KIR3DL2: variants seen among roughly 807,000 people sequenced by gnomAD.
KIR3DL2 encodes killer cell immunoglobulin like receptor, three Ig domains and long cytoplasmic tail 2.
In KIR3DL2, 42 loss-of-function variants were observed where a neutral mutation model predicts 41.6. That is an observed-to-expected ratio of 1.01 (90% CI 0.79 to 1.31). The LOEUF is 1.31. Ranked by LOEUF, KIR3DL2 falls within the 50% of genes most tolerant of loss-of-function variation. The pLI, the probability that KIR3DL2 is intolerant of heterozygous loss-of-function variation, is 0.00. For missense variants in KIR3DL2, 728 were observed against 576.8 expected (o/e 1.26, Z -2.68); for synonymous variants, 230 against 221.3 (o/e 1.04, Z -0.35).
intron 3 of KIR3DL2, among the ~76,000 whole-genome samples, chr19:54,852,965 G>A (rs1240791098): frequency 6.7e-6 from 1 of 149,212 alleles, no homozygotes; most frequent in Non-Finnish European, 1.5e-5. Context: ...AACAAGGATA[G>A]CCAGGTGTGG....
rs1373268976 is a variant in KIR3DL2, at chr19:54,866,410, A to G, written c.1146A>G (p.Thr382=). The stretch of plus-strand genomic sequence containing the variant: ...ACCAAGAGCCTGCGGGGGACAGAAC[A>G]GTGAATAGGCAGGTAGGTCCTCCTC... ...VMDQEPAGDR[T]VNRQDSDEQD... The change falls in exon 8 of 9, where the codon ACA becomes ACG. Residue 382 remains threonine (T), a synonymous_variant. Transcript: ENST00000326321. The G allele has an allele frequency of 6.8e-6, 11 of 1,614,020 alleles. No individual in the cohort carries two copies. The highest frequency in any genetic ancestry group is 1.3e-5 in the African/African-American group (1 of 75,034).
In KIR3DL2 at chr19:54,856,953, T is replaced by C. The variant is rs369758353; in HGVS notation, c.949+1041T>C. On this transcript the variant is annotated intron_variant, in intron 5 of 8. Transcript: ENST00000326321. ...ATTCACCCACTGATAGGCAGGTAGG[T>C]TGACTCCACATCTTGGCTACTGTGA... is the stretch of plus-strand genomic sequence containing the variant. Among the ~76,000 whole-genome samples the C allele has an allele frequency of 3.9e-5, 6 of 152,260 alleles. No individual in the cohort carries two copies. The East Asian group carries it at 5.8e-4, about 15-fold the overall frequency.
In KIR3DL2 at chr19:54,852,012, C is replaced by A. The variant is rs2064291478; in HGVS notation, c.85C>A (p.Pro29Thr). The change falls in exon 3 of 9, where the codon CCC (proline) becomes ACC (threonine). Residue 29 changes from proline to threonine, a missense_variant. By Grantham distance (38) the Pro-to-Thr change is conservative. Transcript: ENST00000326321. ...TTCTCCCCCAGGTGGTCAGGACAAA[C>A]CCTTCCTGTCTGCCCGGCCCAGCAC... ...AWPLMGGQDK[P>T]FLSARPSTVV... 3 of 1,610,366 alleles carry A rather than the reference C, an allele frequency of 1.9e-6. No individual in the cohort carries two copies. Among genetic ancestry groups the A allele is most frequent in the African/African-American group, 1.3e-5 (1 of 74,350 alleles).
intron 6 of KIR3DL2, among the ~76,000 whole-genome samples, chr19:54,865,393 C>T (rs751266653): frequency 7.9e-5 from 12 of 151,878 alleles, no homozygotes; most frequent in African/African-American, 9.7e-5. Context: ...GGAGGGCGAG[C>T]GATGGAGCTT....
At chr19:54,859,798 G>T (rs1337281600) in intron 6 of KIR3DL2, among the ~76,000 whole-genome samples, 1 of 152,006 alleles carries the variant, frequency 6.6e-6, no homozygotes, top group African/African-American at 2.4e-5. Context: ...CAGCAAGGCT[G>T]CCTTCCCTCT....
Position 54,867,041 on chromosome 19 carries a change from G to A in KIR3DL2, c.*310G>A, listed in dbSNP as rs777875921. The A allele has an allele frequency of 1.1e-5, 5 of 439,054 alleles. No individual in the cohort carries two copies. The highest frequency in any genetic ancestry group is 2.0e-5 in the African/African-American group (1 of 50,080). 27.2% of individuals were successfully genotyped at this position (439,054 alleles called of 1,614,324 possible). On this transcript the variant is annotated 3_prime_UTR_variant, in exon 9 of 9. Transcript: ENST00000326321. ...AACTCACAATTCCAAACATACAAGA[G>A]GCTCCCTCTTAACACGGCACTTACA...
At chr19:54,855,959 T>G in intron 5 of KIR3DL2, 47 bp downstream of exon 5, 3 of 1,598,570 alleles carry the variant, frequency 1.9e-6, no homozygotes, top group Non-Finnish European at 2.6e-6. Context: ...CCTAGAGCCA[T>G]AGCTGAGGAG....
chr19:54,856,739 C>T (rs1231473813), intron 5 of KIR3DL2, among the ~76,000 whole-genome samples: 3 of 151,716 alleles, frequency 2.0e-5, no homozygotes, highest in Non-Finnish European at 4.4e-5. Context: ...CCTTCCCTTC[C>T]TGGCCTCTGG....
intron 2 of KIR3DL2, 103 bp downstream of exon 2, chr19:54,851,358 AG>A: frequency 7.6e-7 from 1 of 1,311,494 alleles, no homozygotes. Context: ...AACTAGGAAG[AG>A]GGGACCCTTG....
chr19:54,859,637 G>A (rs573144745), intron 6 of KIR3DL2, among the ~76,000 whole-genome samples: 53 of 151,946 alleles, frequency 3.5e-4, no homozygotes, highest in African/African-American at 1.3e-3. Context: ...ACAGCCCCAT[G>A]CTCAGGCTGT....
intron 6 of KIR3DL2, among the ~76,000 whole-genome samples, chr19:54,863,071 G>A (rs1167548917): frequency 1.6e-5 from 2 of 126,684 alleles, no homozygotes; most frequent in African/African-American, 6.2e-5. Flanking sequence ...TGTTCTCATT[G>A]TTCAATTCCC....
chr19:54,853,627 G>C, intron 3 of KIR3DL2, 120 bp from the exon 4 acceptor site: 1 of 1,179,996 alleles, frequency 8.5e-7, no homozygotes, highest in Non-Finnish European at 1.2e-6. Flanking sequence ...GAAAAGACAC[G>C]GAGACACAGA....
At chr19:54,856,035 G>T (rs545249148) in intron 5 of KIR3DL2, 123 bp downstream of exon 5, 21 of 1,231,778 alleles carry the variant, frequency 1.7e-5, no homozygotes, top group South Asian at 4.2e-5. Context: ...GGGTGTGAGG[G>T]GGGGGTCAGG....
At chr19:54,850,746 A>G in intron 1 of KIR3DL2, among the ~76,000 whole-genome samples, 1 of 91,700 alleles carries the variant, frequency 1.1e-5, no homozygotes, top group Admixed American at 1.2e-4. Context: ...CCTGGAGTGG[A>G]GATATGGGCC....
At chr19:54,852,788 C>A (rs2064393105) in intron 3 of KIR3DL2, among the ~76,000 whole-genome samples, 1 of 150,606 alleles carries the variant, frequency 6.6e-6, no homozygotes, top group Non-Finnish European at 1.5e-5. Flanking sequence ...GGAACGCAGC[C>A]CTGCAGATGC....
At chr19:54,852,325 G>C in intron 3 of KIR3DL2, 43 bp downstream of exon 3, 1 of 1,589,798 alleles carries the variant, frequency 6.3e-7, no homozygotes, top group South Asian at 1.1e-5. Flanking sequence ...CCCACCTCCT[G>C]AATCCCAGAG....
chr19:54,864,452 T>A lies in KIR3DL2; in HGVS notation c.1001-1353T>A, dbSNP rs537749750. On this transcript the variant is annotated intron_variant, in intron 6 of 8. Coordinates refer to ENST00000326321, the MANE Select transcript of KIR3DL2 (RefSeq NM_006737.4). Reference sequence around the variant, plus strand: ...AATCTATAAATTACCTTGGGCAGTATGGCCATTTTCACGATCTTGATTCTT... The same window carrying A: ...AATCTATAAATTACCTTGGGCAGTAAGGCCATTTTCACGATCTTGATTCTT... Among the ~76,000 whole-genome samples, 1,021 of 152,230 alleles carry A rather than the reference T, an allele frequency of 6.7e-3. 8 individuals are homozygous for A. The highest frequency in any genetic ancestry group is 0.024 in the African/African-American group (977 of 41,554).
rs371490654 is a variant in KIR3DL2 at position 54,865,800 on chromosome 19, T to G, written c.1001-5T>G. On this transcript the variant is annotated splice_region_variant and splice_polypyrimidine_tract_variant and intron_variant, in intron 6 of 8. Coordinates refer to ENST00000326321, the MANE Select transcript of KIR3DL2 (RefSeq NM_006737.4). ...GCTTCTTATTGGATTCCCATCTTCCTCCAGGTATCTGCAGACACCTGCATG... is the reference window on the plus strand; with the variant it reads ...GCTTCTTATTGGATTCCCATCTTCCGCCAGGTATCTGCAGACACCTGCATG... The G allele has an allele frequency of 3.7e-6, 6 of 1,607,630 alleles. No individual in the cohort carries two copies. The highest frequency in any genetic ancestry group is 5.1e-6 in the Non-Finnish European group (6 of 1,174,400).
intron 7 of KIR3DL2, 23 bp from the exon 8 acceptor site, chr19:54,866,347 T>C (rs757243077): frequency 6.2e-7 from 1 of 1,613,774 alleles, no homozygotes. Flanking sequence ...CCAAGCGGTT[T>C]TGATGACTTC....
Sources: allele counts gnomAD v4.1 joint callset (sites outside exome capture counted in the v4.1 genomes callset), GRCh38; gene constraint gnomAD v4.1.1; transcripts MANE v1.5; gene names NCBI Gene and HGNC (gene_info 2026-07-23, HGNC 2026-07-21).